MKS1: variants seen among roughly 807,000 people sequenced by gnomAD.
MKS1 encodes MKS transition zone complex subunit 1, also known as tectonic-like complex member MKS1.
Under a neutral mutation model 83.7 loss-of-function variants are expected in MKS1, and 70 were observed. That is an observed-to-expected ratio of 0.84 (90% confidence interval 0.69 to 1.02). The LOEUF (loss-of-function observed/expected upper bound fraction) is 1.02, where lower values mean the gene tolerates loss of function less well. MKS1 is among the 50% of genes least tolerant of loss of function. MKS1 has a pLI of 0.00. For synonymous variants in MKS1, 251 were observed against 273.4 expected (o/e 0.92, Z 0.81); for missense variants, 681 against 726.9 (o/e 0.94, Z 0.73).
At chr17:58,217,289 C>T (rs568497917) in intron 2 of MKS1, among the ~76,000 whole-genome samples, 3 of 152,290 alleles carry the variant, frequency 2.0e-5, no homozygotes, top group East Asian at 1.9e-4. Flanking sequence ...GCGCTCAGCC[C>T]GCTCCAGGAA....
At chr17:58,216,907 A>G (rs1969253555) in intron 2 of MKS1, among the ~76,000 whole-genome samples, 171 bp from the exon 3 acceptor site, 1 of 152,218 alleles carries the variant, frequency 6.6e-6, no homozygotes, top group African/African-American at 2.4e-5. Context: ...GCTGTATATG[A>G]GAGTTAGTAT....
At chr17:58,214,148 G>A in intron 6 of MKS1, 111 bp downstream of exon 6, 1 of 1,530,428 alleles carries the variant, frequency 6.5e-7, no homozygotes, top group East Asian at 2.3e-5. Context: ...AGAGAAGGAA[G>A]AAAAAGTCCC....
Position 58,216,332 on chromosome 17 carries a change from A to G in MKS1, c.262-89T>C. The G allele has an allele frequency of 1.4e-5, 19 of 1,341,228 alleles. No homozygotes were observed. The highest frequency in any genetic ancestry group is 2.0e-5 in the Non-Finnish European group (19 of 946,068). The allele number at this position is 1,341,228 out of a possible 1,614,324, so 83.1% of individuals were successfully genotyped here. A position where few individuals can be genotyped will look rare whatever the true frequency, so the allele number is the denominator to read the frequency against. On this transcript the variant is annotated intron_variant, in intron 3 of 17. Transcript: ENST00000393119. ...GTAACTGTTTAATCAAATCAGTTCT[A>G]CAGAACTGATGCTATCTGACATGTT... is the stretch of plus-strand genomic sequence containing the variant.
intron 6 of MKS1, 111 bp from the exon 7 acceptor site, chr17:58,213,980 T>A (rs554183595): frequency 4.8e-6 from 5 of 1,049,590 alleles, no homozygotes; most frequent in Non-Finnish European, 7.3e-6. Context: ...AGAGCTGTCA[T>A]GGTAAAACTT....
intron 12 of MKS1, 101 bp from the exon 13 acceptor site, chr17:58,208,275 A>T: frequency 1.1e-5 from 13 of 1,167,358 alleles, no homozygotes; most frequent in Non-Finnish European, 1.6e-5. Flanking sequence ...AAGAAAAATT[A>T]TCACCCAGGT....
intron 3 of MKS1, 145 bp from the exon 4 acceptor site, chr17:58,216,388 A>C (rs1201187013): frequency 1.7e-5 from 17 of 975,160 alleles, no homozygotes; most frequent in South Asian, 1.4e-4. Flanking sequence ...AATGAATGGC[A>C]GGGGAACCAA....
intron 9 of MKS1, chr17:58,211,251 G>A (rs1968858316): frequency 3.6e-6 from 2 of 562,322 alleles, no homozygotes; most frequent in South Asian, 3.9e-5. Context: ...TGAGGACAAT[G>A]CACTATGGGA....
Position 58,216,088 on chromosome 17 carries a change from C to G in MKS1, c.417G>C (p.Glu139Asp). 6.2e-7 allele frequency: 1 copy of G among 1,614,148 alleles called. No individual in the cohort carries two copies. Among genetic ancestry groups the G allele is most frequent in the Non-Finnish European group, 8.5e-7 (1 of 1,180,014 alleles). The change falls in exon 4 of 18, where the codon GAG becomes GAC. Residue 139 changes from glutamate (E) to aspartate (D), a missense_variant and splice_region_variant. By Grantham distance (45) the Glu-to-Asp change is conservative. Coordinates refer to ENST00000393119, the MANE Select transcript of MKS1 (RefSeq NM_017777.4). Reference protein sequence around the residue: ...TDSDRYTNLEEHCQRMTTAAS... With the variant: ...TDSDRYTNLEDHCQRMTTAAS... The stretch of plus-strand genomic sequence containing the variant: ...TATGAGACCCTAGAAAGAACAATAC[C>G]TCCTCCAAATTGGTGTATCTATCAG...
Position 58,205,591 on chromosome 17 carries a change from C to A in MKS1, c.*488G>T, listed in dbSNP as rs1199242674. 2.3e-6 allele frequency: 3 copies of A among 1,305,766 alleles called. No homozygotes were observed. The Admixed American group carries it at 6.9e-5, about 30-fold the overall frequency. 80.9% of individuals were successfully genotyped at this position (1,305,766 alleles called of 1,614,324 possible). A position where few individuals can be genotyped will look rare whatever the true frequency, so the allele number is the denominator to read the frequency against. On this transcript the variant is annotated 3_prime_UTR_variant, in exon 18 of 18. Coordinates refer to ENST00000393119, the MANE Select transcript of MKS1 (RefSeq NM_017777.4). ...TAACTCATATCTCAACCTCAGCAAG[C>A]CCCAAGCAGTAGAATGAGGCTTCCC... is the stretch of plus-strand genomic sequence containing the variant.
intron 2 of MKS1, among the ~76,000 whole-genome samples, chr17:58,217,272 G>A (rs1969275486): frequency 6.6e-6 from 1 of 152,194 alleles, no homozygotes; most frequent in Admixed American, 6.5e-5. Flanking sequence ...TACAGGCGTG[G>A]GCCACGGCGC....
chr17:58,206,552 GGCATGCCATTGGGACAGCCTCAGGTTTCT>G lies in MKS1; in HGVS notation c.1408-34_1408-6del, dbSNP rs386834043. ...AAAGCGGCTCAGGCGTTCCCCCTGT[GGCATGCCATTGGGACAGCCTCAGGTTTCT>G]GCTCTCTCTAGACACCCCCGCACCA... On this transcript the variant is annotated splice_region_variant and splice_polypyrimidine_tract_variant and intron_variant, in intron 15 of 17. Coordinates refer to ENST00000393119, the MANE Select transcript of MKS1 (RefSeq NM_017777.4). 1.1e-3 allele frequency: 1,785 copies of G among 1,611,528 alleles called. No individual in the cohort carries two copies. Among genetic ancestry groups the G allele is most frequent in the Non-Finnish European group, 1.1e-3 (1,249 of 1,179,916 alleles).
intron 13 of MKS1, 38 bp downstream of exon 13, chr17:58,208,067 G>C: frequency 6.2e-7 from 1 of 1,608,058 alleles, no homozygotes; most frequent in Non-Finnish European, 8.5e-7. Context: ...ACTGCTTGAG[G>C]GGAACCAAGG....
chr17:58,207,877 C>G lies in MKS1; in HGVS notation c.1273+17G>C. The G allele has an allele frequency of 6.2e-7, 1 of 1,606,304 alleles. No homozygotes were observed. The highest frequency in any genetic ancestry group is 8.5e-7 in the Non-Finnish European group (1 of 1,173,132). On this transcript the variant is annotated intron_variant, in intron 14 of 17. Coordinates refer to ENST00000393119, the MANE Select transcript of MKS1 (RefSeq NM_017777.4). ...CTAGGGCATGTGGGCCACAGAAGGG[C>G]AGAGACGAGCGGTTACCTGGAGTGG...
chr17:58,210,958 T>C lies in MKS1; in HGVS notation c.958+22A>G, dbSNP rs746993312. 12 of 1,612,142 alleles carry C rather than the reference T, an allele frequency of 7.4e-6. No individual in the cohort carries two copies. The South Asian group carries it at 8.8e-5, about 12-fold the overall frequency. ...AGGCACGTGCCTAAGCATCAAGAGA[T>C]CTATGCTAGCAAGACACTTACCGAC... On this transcript the variant is annotated intron_variant, in intron 10 of 17. Coordinates refer to ENST00000393119, the MANE Select transcript of MKS1 (RefSeq NM_017777.4).
At chr17:58,206,210 T>G in intron 17 of MKS1, 40 bp from the exon 18 acceptor site, 1 of 1,613,890 alleles carries the variant, frequency 6.2e-7, no homozygotes, top group Non-Finnish European at 8.5e-7. Context: ...TGCCATATGG[T>G]ATTTCTCTCT....
chr17:58,209,431 A>C lies in MKS1; in HGVS notation c.1025-848T>G, dbSNP rs978985473. Among the ~76,000 whole-genome samples the C allele has an allele frequency of 2.0e-4, 31 of 152,142 alleles. No individual in the cohort carries two copies. Among genetic ancestry groups the C allele is most frequent in the Middle Eastern group, 3.2e-3 (1 of 316 alleles). On this transcript the variant is annotated intron_variant, in intron 11 of 17. Transcript: ENST00000393119. This position sits in a 1 kb window ranked among gnomAD's most constrained non-coding sequence, Gnocchi z 4.1. ...GACAGACAAAAACCAAACCAACAAG[A>C]GACTATTGGGTAGTGATGAGTGCTA... is the stretch of plus-strand genomic sequence containing the variant.
chr17:58,210,068 T>G (rs1423023605), intron 11 of MKS1, among the ~76,000 whole-genome samples: 1 of 152,124 alleles, frequency 6.6e-6, no homozygotes. Context: ...ACTCAGTAGA[T>G]GACACTGCCA....
At chr17:58,206,419 C>A in intron 16 of MKS1, 39 bp from the exon 17 acceptor site, 1 of 1,613,982 alleles carries the variant, frequency 6.2e-7, no homozygotes, top group East Asian at 2.2e-5. Flanking sequence ...GCTGTCTCCA[C>A]CCCTCAGGGC....
chr17:58,210,400 C>A (rs940001740), intron 11 of MKS1, among the ~76,000 whole-genome samples: 2 of 151,986 alleles, frequency 1.3e-5, no homozygotes, highest in Non-Finnish European at 2.9e-5. Context: ...GGGCCACCAG[C>A]GAGATAGGAG....
Sources: allele counts gnomAD v4.1 joint callset (sites outside exome capture counted in the v4.1 genomes callset), GRCh38; gene constraint gnomAD v4.1.1; non-coding constraint Gnocchi (gnomAD v3.1); transcripts MANE v1.5; gene names NCBI Gene and HGNC (gene_info 2026-07-23, HGNC 2026-07-21).